The following SYNE1 variants were observed in gnomAD, a reference collection of about 807,000 sequenced individuals.
SYNE1 encodes the protein spectrin repeat containing nuclear envelope protein 1.
A neutral mutation model predicts 1,111.0 loss-of-function variants in SYNE1; 616 were observed. That is an observed-to-expected ratio of 0.55 (90% CI 0.52 to 0.59). SYNE1 has a LOEUF of 0.59. SYNE1 is among the 20% of genes least tolerant of loss of function. The pLI is 0.00. For synonymous variants in SYNE1, 3,855 were observed against 3,825.8 expected, an observed-to-expected ratio of 1.01 and a Z score of -0.28; for missense variants, 10,006 against 10,417.0, an observed-to-expected ratio of 0.96 and a Z score of 1.72.
At chr6:152,338,456 T>C (rs1375505114) in intron 75 of SYNE1, among the ~76,000 whole-genome samples, 1 of 151,964 alleles carries the variant, frequency 6.6e-6, no homozygotes, top group Non-Finnish European at 1.5e-5. Flanking sequence ...GCCCTGTCTC[T>C]ACAAAAAGTA....
In SYNE1 at chr6:152,240,313, C is replaced by CAAAA. The variant is rs1357319768; in HGVS notation, c.19894-608_19894-607insTTTT. Among the ~76,000 whole-genome samples the CAAAA allele has an allele frequency of 9.2e-5, 14 of 151,938 alleles. No homozygotes were observed. The East Asian group carries it at 2.7e-3, about 29-fold the overall frequency. ...ATCTCAAAACAAACAAACAAACAAACAAACAAAAAACATTGCTTTCCTTCC... is the reference window on the plus strand; with the variant it reads ...ATCTCAAAACAAACAAACAAACAAACAAAAAAACAAAAAACATTGCTTTCCTTCC... On this transcript the variant is annotated intron_variant, in intron 107 of 145. Transcript: ENST00000367255.
chr6:152,261,691 G>A (rs1308959158), intron 101 of SYNE1, among the ~76,000 whole-genome samples: 1 of 152,154 alleles, frequency 6.6e-6, no homozygotes, highest in Non-Finnish European at 1.5e-5. Flanking sequence ...TGTCCTAGAT[G>A]TGCATATCCT....
At chr6:152,431,627 C>A (rs755437741) in intron 34 of SYNE1, among the ~76,000 whole-genome samples, 37 of 151,998 alleles carry the variant, frequency 2.4e-4, no homozygotes, top group African/African-American at 7.2e-4. Context: ...CAAAATACAT[C>A]AAAAATTCAG....
intron 11 of SYNE1, among the ~76,000 whole-genome samples, chr6:152,495,460 T>C (rs2154313348): frequency 6.6e-6 from 1 of 152,350 alleles, no homozygotes; most frequent in Non-Finnish European, 1.5e-5. Context: ...GAGTTCTAAA[T>C]TTCTTTTCAA....
At chr6:152,175,580 A>T (rs1273947282) in intron 130 of SYNE1, among the ~76,000 whole-genome samples, 2 of 152,232 alleles carry the variant, frequency 1.3e-5, no homozygotes, top group African/African-American at 4.8e-5. Context: ...GTATTCATTG[A>T]GTCCGTATTT....
At chr6:152,368,908 C>T (rs1278982399) in intron 61 of SYNE1, 64 bp downstream of exon 61, 4 of 1,609,630 alleles carry the variant, frequency 2.5e-6, no homozygotes, top group Non-Finnish European at 8.5e-7. Flanking sequence ...CCTGCAGAAC[C>T]TGCTGCAACT....
Position 152,578,263 on chromosome 6 carries a change from A to G in SYNE1, c.68-38242T>C, listed in dbSNP as rs919518890. Among the ~76,000 whole-genome samples the G allele has an allele frequency of 5.9e-5, 9 of 152,166 alleles. No homozygotes were observed. The South Asian group carries it at 8.3e-4, about 14-fold the overall frequency. On this transcript the variant is annotated intron_variant, in intron 3 of 145. Transcript: ENST00000367255. ...GTACACCTTCACCCGGTCTGCCCCA[A>G]TGTTAACATCTTTCATTACCACAAT...
intron 53 of SYNE1, 86 bp downstream of exon 53, chr6:152,390,194 C>A: frequency 6.8e-7 from 1 of 1,471,226 alleles, no homozygotes; most frequent in African/African-American, 1.4e-5. Flanking sequence ...CTTGGGAATT[C>A]CACCCCAGGA....
At position 152,350,668 on chromosome 6, in the gene SYNE1, TG is replaced by T. The variant is rs1354957161; in HGVS notation, c.11682del (p.Asp3894GlufsTer3). Reference protein sequence around the residue: ...LELVQDVTLKDKIDQLQSDYQ... With the variant: ...LELVQDVTLKXKIDQLQSDYQ... ...TAATCACTTTGAAGTTGATCTATTT[TG>T]TCCTTTAAAGTGACGTCCTGCACCA... On this transcript the variant is annotated frameshift_variant, in exon 71 of 146. Transcript: ENST00000367255. LOFTEE classifies it high-confidence loss of function. The T allele has an allele frequency of 6.2e-7, 1 of 1,614,168 alleles. No individual in the cohort carries two copies. The highest frequency in any genetic ancestry group is 1.1e-5 in the South Asian group (1 of 91,072).
At chr6:152,210,609 T>A (rs991863018) in intron 124 of SYNE1, among the ~76,000 whole-genome samples, 3 of 152,188 alleles carry the variant, frequency 2.0e-5, no homozygotes, top group Non-Finnish European at 4.4e-5. Context: ...TAAAAATAAT[T>A]TATTTTTTAT....
intron 78 of SYNE1, among the ~76,000 whole-genome samples, chr6:152,328,384 A>T (rs867465504): frequency 1.1e-3 from 36 of 32,894 alleles, no homozygotes; most frequent in African/African-American, 4.2e-3. Context: ...ATTTTATTTT[A>T]TTTATTTATT....
intron 16 of SYNE1, among the ~76,000 whole-genome samples, chr6:152,467,395 G>A (rs993471865): frequency 6.6e-6 from 1 of 151,920 alleles, no homozygotes; most frequent in Non-Finnish European, 1.5e-5. Flanking sequence ...TTCATTATTT[G>A]ATCAAAAATG....
At chr6:152,517,311 C>T (rs1016194738) in intron 6 of SYNE1, among the ~76,000 whole-genome samples, 1 of 152,166 alleles carries the variant, frequency 6.6e-6, no homozygotes, top group Non-Finnish European at 1.5e-5. Flanking sequence ...ATCTGGATCT[C>T]CATTTATAAA....
intron 3 of SYNE1, among the ~76,000 whole-genome samples, chr6:152,599,053 A>G (rs2099589775): frequency 6.6e-6 from 1 of 152,230 alleles, no homozygotes; most frequent in African/African-American, 2.4e-5. Context: ...CCTTCTCGTG[A>G]GATAATAAAC....
At chr6:152,280,220 T>C (rs984997478) in intron 97 of SYNE1, among the ~76,000 whole-genome samples, 2 of 152,216 alleles carry the variant, frequency 1.3e-5, no homozygotes, top group African/African-American at 4.8e-5. Flanking sequence ...GGCTTATATG[T>C]AAGATTTTAA....
At chr6:152,238,310 G>A (rs1314873190) in intron 108 of SYNE1, among the ~76,000 whole-genome samples, 1 of 152,146 alleles carries the variant, frequency 6.6e-6, no homozygotes, top group Non-Finnish European at 1.5e-5. Flanking sequence ...TTAACCACGT[G>A]TCTTGGCAAA....
intron 20 of SYNE1, chr6:152,462,382 C>T (rs1373960783): frequency 2.8e-6 from 1 of 353,518 alleles, no homozygotes; most frequent in Non-Finnish European, 5.0e-6. Flanking sequence ...GAGCTGCAGG[C>T]TATTCAAAAT....
At chr6:152,454,981 T>A (rs1157787119) in intron 24 of SYNE1, among the ~76,000 whole-genome samples, 1 of 152,126 alleles carries the variant, frequency 6.6e-6, no homozygotes, top group South Asian at 2.1e-4. Flanking sequence ...AACATGAAGA[T>A]GATAAACATG....
chr6:152,408,771 T>C (rs2154168460), intron 44 of SYNE1, among the ~76,000 whole-genome samples: 1 of 152,190 alleles, frequency 6.6e-6, no homozygotes, highest in South Asian at 2.1e-4. Context: ...CTGACCAACA[T>C]GGAGAAACCC....
Sources: allele counts gnomAD v4.1 joint callset (sites outside exome capture counted in the v4.1 genomes callset), GRCh38; gene constraint gnomAD v4.1.1; transcripts MANE v1.5; gene names NCBI Gene and HGNC (gene_info 2026-07-23, HGNC 2026-07-21).